CREB3L2: variants seen among roughly 807,000 people sequenced by gnomAD.
The protein encoded by CREB3L2 is cyclic AMP-responsive element-binding protein 3-like protein 2.
A neutral mutation model predicts 57.2 loss-of-function variants in CREB3L2; 23 were observed. The observed-to-expected ratio is 0.40, with a 90% CI of 0.29 to 0.57. CREB3L2 has a LOEUF of 0.57. CREB3L2 is among the 20% of genes least tolerant of loss of function. The pLI, the probability that CREB3L2 is intolerant of heterozygous loss-of-function variation, is 0.42. For synonymous variants in CREB3L2, 268 were observed against 265.1 expected (o/e 1.01, Z -0.11); for missense variants, 628 against 634.7 (o/e 0.99, Z 0.11).
chr7:137,921,932 A>G (rs578169097), intron 2 of CREB3L2, among the ~76,000 whole-genome samples: 27 of 147,050 alleles, frequency 1.8e-4, no homozygotes, highest in African/African-American at 6.7e-4. Context: ...CACCTCACCC[A>G]GCTATTTTTT....
intron 1 of CREB3L2, among the ~76,000 whole-genome samples, chr7:138,000,075 A>T (rs1197661473): frequency 1.3e-5 from 2 of 152,196 alleles, no homozygotes; most frequent in African/African-American, 4.8e-5. Flanking sequence ...AAAGAACAGC[A>T]AGGTAGATGC....
intron 1 of CREB3L2, among the ~76,000 whole-genome samples, chr7:137,938,805 C>T (rs2117255341): frequency 6.6e-6 from 1 of 152,238 alleles, no homozygotes; most frequent in East Asian, 1.9e-4. Context: ...TTCCCAAATG[C>T]ATGCCAATCC....
intron 8 of CREB3L2, among the ~76,000 whole-genome samples, chr7:137,898,585 T>C (rs1695695387): frequency 6.6e-6 from 1 of 152,242 alleles, no homozygotes; most frequent in South Asian, 2.1e-4. Flanking sequence ...CCAATAAGTA[T>C]ACATTGTGGA....
At chr7:137,958,002 A>G in intron 1 of CREB3L2, 1 of 283,910 alleles carries the variant, frequency 3.5e-6, no homozygotes, top group South Asian at 3.2e-5. Flanking sequence ...AAGTCCCAGG[A>G]GCTGTTCAAC....
In CREB3L2 at chr7:137,879,296, C is replaced by T. The variant is rs769075208; in HGVS notation, c.*1180G>A. ...ATACACAAATGTCACCTACCCCACC[C>T]TGCTTTGTTGAGGTAGGGGACGAGG... On this transcript the variant is annotated 3_prime_UTR_variant, in exon 12 of 12. Transcript: ENST00000330387. 1.1e-5 allele frequency: 6 copies of T among 528,756 alleles called. No individual in the cohort carries two copies. The highest frequency in any genetic ancestry group is 2.2e-5 in the Non-Finnish European group (6 of 274,198). 32.8% of individuals were successfully genotyped at this position (528,756 alleles called of 1,614,324 possible).
At chr7:137,914,864 A>G (rs1800092599) in intron 3 of CREB3L2, among the ~76,000 whole-genome samples, 1 of 152,142 alleles carries the variant, frequency 6.6e-6, no homozygotes, top group Admixed American at 6.5e-5. Context: ...TATTCTGAAC[A>G]GGTAGACACT....
intron 1 of CREB3L2, among the ~76,000 whole-genome samples, chr7:137,989,968 A>G (rs1801859723): frequency 6.6e-6 from 1 of 152,154 alleles, no homozygotes; most frequent in Non-Finnish European, 1.5e-5. Flanking sequence ...ATTCTACTCC[A>G]TGGATGAAAT....
chr7:137,999,659 T>G (rs1485167197), intron 1 of CREB3L2: 1 of 152,104 alleles, frequency 6.6e-6, no homozygotes, highest in African/African-American at 2.4e-5. Context: ...CTCCCAAACG[T>G]CCCTTAGTTT....
At chr7:137,952,056 T>C (rs968221113) in intron 1 of CREB3L2, among the ~76,000 whole-genome samples, 1 of 152,308 alleles carries the variant, frequency 6.6e-6, no homozygotes, top group East Asian at 1.9e-4. Flanking sequence ...TTTCTTTTCT[T>C]ATTTCTCTAA....
chr7:137,933,016 G>A (rs575652529), intron 1 of CREB3L2, among the ~76,000 whole-genome samples: 76 of 152,302 alleles, frequency 5.0e-4, no homozygotes, highest in African/African-American at 1.8e-3. Flanking sequence ...ACTCTGGGCA[G>A]CAAGGAGCAG....
At position 137,904,482 on chromosome 7, in the gene CREB3L2, A is replaced by G. The variant is rs139180431; in HGVS notation, c.916-465T>C. Among the ~76,000 whole-genome samples the G allele has an allele frequency of 1.0e-3, 156 of 152,322 alleles. 1 individual carries two copies. The highest frequency in any genetic ancestry group is 3.5e-3 in the African/African-American group (145 of 41,582). ...GGAGTTCAAGACCAGCCTGGGCAAC[A>G]TGGTAAAACCCCGTCTACTAAAAAT... On this transcript the variant is annotated intron_variant, in intron 6 of 11. Coordinates refer to ENST00000330387, the MANE Select transcript of CREB3L2 (RefSeq NM_194071.4).
chr7:137,975,421 C>A (rs76251039), intron 1 of CREB3L2, among the ~76,000 whole-genome samples: 2,476 of 152,312 alleles, frequency 0.016, 77 homozygotes, highest in African/African-American at 0.056. Context: ...GGCGGGCTGA[C>A]ACACACTGCA....
intron 1 of CREB3L2, among the ~76,000 whole-genome samples, chr7:137,942,488 CT>C (rs1366841432): frequency 1.3e-5 from 2 of 152,134 alleles, no homozygotes; most frequent in Non-Finnish European, 2.9e-5. Context: ...TTCAGTGTAC[CT>C]TAGCTTCAGA....
chr7:137,906,212 C>G lies in CREB3L2; in HGVS notation c.769-364G>C, dbSNP rs528966010. On this transcript the variant is annotated intron_variant, in intron 5 of 11. Transcript: ENST00000330387. ...GGAGTGATGAAGGATTCATTTGCAG[C>G]CCTGCTTTGTGCAAGAATTTTGTTG... Among the ~76,000 whole-genome samples the G allele has an allele frequency of 2.8e-4, 42 of 152,300 alleles. No individual in the cohort carries two copies. The South Asian group carries it at 8.1e-3, about 29-fold the overall frequency.
At chr7:137,947,600 C>T (rs369272778) in intron 1 of CREB3L2, among the ~76,000 whole-genome samples, 18 of 152,250 alleles carry the variant, frequency 1.2e-4, no homozygotes, top group African/African-American at 3.4e-4. Flanking sequence ...ACTAAGATGG[C>T]GCCTGTGACT....
chr7:137,956,480 T>C (rs1036967600), intron 1 of CREB3L2: 1 of 500,014 alleles, frequency 2.0e-6, no homozygotes, highest in Non-Finnish European at 3.4e-6. Flanking sequence ...TTGAAGTCAA[T>C]TTCTTCTAAA....
At chr7:137,917,845 G>C (rs1013139367) in intron 2 of CREB3L2, among the ~76,000 whole-genome samples, 1 of 152,160 alleles carries the variant, frequency 6.6e-6, no homozygotes, top group African/African-American at 2.4e-5. Context: ...TTTGCTTTTA[G>C]AGTGGGGCTG....
intron 1 of CREB3L2, among the ~76,000 whole-genome samples, chr7:137,971,787 T>C (rs983354984): frequency 5.3e-5 from 8 of 151,632 alleles, no homozygotes; most frequent in Non-Finnish European, 5.9e-5. Flanking sequence ...GAGGGAAAAA[T>C]GGGAAATAAC....
chr7:137,969,507 C>T (rs893267193), intron 1 of CREB3L2, among the ~76,000 whole-genome samples: 3 of 151,740 alleles, frequency 2.0e-5, no homozygotes, highest in Admixed American at 2.0e-4. Context: ...CCATCACACC[C>T]GGCTAATTTT....
Sources: gnomAD v4.1 joint callset for allele counts (sites outside exome capture counted in the v4.1 genomes callset) on GRCh38, gnomAD v4.1.1 for gene constraint, MANE v1.5 for transcripts, NCBI Gene and HGNC (gene_info 2026-07-23, HGNC 2026-07-21) for gene names.